NT5M: variants seen among roughly 807,000 people sequenced by gnomAD.
NT5M encodes the protein 5'(3')-deoxyribonucleotidase, mitochondrial.
Under a neutral mutation model 22.2 loss-of-function variants are expected in NT5M, and 22 were observed. The ratio of observed to expected loss-of-function variants is 0.99; its 90% CI spans 0.71 to 1.41. The LOEUF is 1.41. NT5M is among the 40% of genes most tolerant of loss of function. The probability of loss-of-function intolerance (pLI) is 0.00; values close to 1 mark genes in which losing one functional copy is unlikely to be tolerated. For missense variants in NT5M, 322 were observed against 314.8 expected (o/e 1.02, Z -0.17); for synonymous variants, 167 against 133.0 (o/e 1.26, Z -1.76).
chr17:17,321,459 G>A (rs1040036210), intron 2 of NT5M, among the ~76,000 whole-genome samples: 40 of 151,966 alleles, frequency 2.6e-4, no homozygotes, highest in African/African-American at 9.2e-4. Flanking sequence ...AAGTGAGCCC[G>A]GCGGCAGGTG....
rs566721922 is a variant in NT5M at position 17,321,644 on chromosome 17, T to C, written c.369-1541T>C. ...GAATTGAAGGTGAAACAAGTCCAAC[T>C]GATGATGTGAATTTTCTTCTCCGGC... On this transcript the variant is annotated intron_variant, in intron 2 of 4. Transcript: ENST00000389022. Among the ~76,000 whole-genome samples, 3 of 151,988 alleles carry C rather than the reference T, an allele frequency of 2.0e-5. No homozygotes were observed. The South Asian group carries it at 6.2e-4, about 31-fold the overall frequency.
At position 17,341,445 on chromosome 17, in the gene NT5M, T is replaced by C. The variant is rs377747504; in HGVS notation, c.430-3349T>C. Among the ~76,000 whole-genome samples the C allele has an allele frequency of 1.6e-4, 25 of 152,276 alleles. 1 individual carries two copies. In the South Asian group the frequency reaches 4.1e-3, roughly 25 times the overall value. On this transcript the variant is annotated intron_variant, in intron 3 of 4. Coordinates refer to ENST00000389022, the MANE Select transcript of NT5M (RefSeq NM_020201.4). ...CAGACTTAGGGCCTAATTTTGAGGG[T>C]AAGACAAAAAGGTAGAATCCTTTTT...
chr17:17,320,148 G>A (rs2049120646), intron 2 of NT5M, among the ~76,000 whole-genome samples: 2 of 152,142 alleles, frequency 1.3e-5, no homozygotes, highest in South Asian at 2.1e-4. Flanking sequence ...AGCCTCCCAC[G>A]TATGTCTTTA....
At chr17:17,334,704 G>A (rs1395312896) in intron 3 of NT5M, among the ~76,000 whole-genome samples, 2 of 151,688 alleles carry the variant, frequency 1.3e-5, no homozygotes, top group African/African-American at 2.4e-5. Flanking sequence ...TTGATCTCCT[G>A]ACCTTGTGAT....
chr17:17,306,560 T>A lies in NT5M; in HGVS notation c.285T>A (p.Ile95=). 6.2e-7 allele frequency: 1 copy of A among 1,613,926 alleles called. No homozygotes were observed. Among genetic ancestry groups the A allele is most frequent in the Non-Finnish European group, 8.5e-7 (1 of 1,179,908 alleles). Residue 95 remains isoleucine (I), a synonymous_variant, in exon 2 of 5, where the codon ATT becomes ATA. Transcript: ENST00000389022. ...RPGLSEKAIS[I]WESKNFFFEL... The stretch of plus-strand genomic sequence containing the variant: ...CTTCTCAGGAGAAGGCCATCAGCAT[T>A]TGGGAGTCAAAGAATTTCTTTTTTG...
At chr17:17,336,639 C>T (rs2049519573) in intron 3 of NT5M, among the ~76,000 whole-genome samples, 1 of 151,600 alleles carries the variant, frequency 6.6e-6, no homozygotes, top group Admixed American at 6.6e-5. Flanking sequence ...CAACCTCCGC[C>T]TCCCGGGTTC....
At chr17:17,332,666 TCTC>T (rs373617420) in intron 3 of NT5M, among the ~76,000 whole-genome samples, 28 of 152,276 alleles carry the variant, frequency 1.8e-4, no homozygotes, top group African/African-American at 6.7e-4. Flanking sequence ...GAGCAGCCCT[TCTC>T]CTTCCAAACA....
chr17:17,331,602 A>G (rs1174547161), intron 3 of NT5M, among the ~76,000 whole-genome samples: 1 of 148,748 alleles, frequency 6.7e-6, no homozygotes, highest in Admixed American at 6.7e-5. Flanking sequence ...TATTTATGTA[A>G]TTTTTTTTTT....
chr17:17,336,838 A>G (rs1337844862), intron 3 of NT5M, among the ~76,000 whole-genome samples: 4 of 152,000 alleles, frequency 2.6e-5, no homozygotes, highest in Non-Finnish European at 5.9e-5. Context: ...ATTCTTTTTT[A>G]TGGCTGAATA....
chr17:17,332,560 G>A (rs900490949), intron 3 of NT5M, among the ~76,000 whole-genome samples: 16 of 152,118 alleles, frequency 1.1e-4, no homozygotes, highest in African/African-American at 3.9e-4. Context: ...GGTTTAGAAC[G>A]ACAGCACCGC....
At chr17:17,319,841 ATTTC>A (rs540373388) in intron 2 of NT5M, among the ~76,000 whole-genome samples, 8 of 151,998 alleles carry the variant, frequency 5.3e-5, no homozygotes, top group East Asian at 1.9e-4. Context: ...TTTTTTAAAT[ATTTC>A]TTTCTTTCTT....
At chr17:17,343,636 G>A (rs1479355769) in intron 3 of NT5M, among the ~76,000 whole-genome samples, 1 of 152,064 alleles carries the variant, frequency 6.6e-6, no homozygotes, top group African/African-American at 2.4e-5. Context: ...GGACCTGCCC[G>A]GCTCTGCCCC....
chr17:17,334,479 T>G (rs888990641), intron 3 of NT5M, among the ~76,000 whole-genome samples: 2 of 71,366 alleles, frequency 2.8e-5, no homozygotes, highest in African/African-American at 1.2e-4. Context: ...GTTACTGTAG[T>G]TTTTTTTTTT....
At chr17:17,335,862 C>T (rs1037698710) in intron 3 of NT5M, among the ~76,000 whole-genome samples, 1 of 152,026 alleles carries the variant, frequency 6.6e-6, no homozygotes, top group African/African-American at 2.4e-5. Flanking sequence ...TAACTCCTGA[C>T]CTCAAGTAAT....
chr17:17,311,617 A>G (rs536225526), intron 2 of NT5M, among the ~76,000 whole-genome samples: 1 of 152,234 alleles, frequency 6.6e-6, no homozygotes, highest in Non-Finnish European at 1.5e-5. Flanking sequence ...AGCAACCTGA[A>G]TGACAAATGT....
rs180779848 is a variant in NT5M, at chr17:17,307,535, T to A, written c.368+892T>A. Among the ~76,000 whole-genome samples the A allele has an allele frequency of 8.5e-3, 622 of 73,518 alleles. 22 individuals carry two copies. Among genetic ancestry groups the A allele is most frequent in the African/African-American group, 0.024 (597 of 24,828 alleles). 48.2% of individuals were successfully genotyped at this position (73,518 alleles called of 152,430 possible). A position where few individuals can be genotyped will look rare whatever the true frequency, so the allele number is the denominator to read the frequency against. On this transcript the variant is annotated intron_variant, in intron 2 of 4. Coordinates refer to ENST00000389022, the MANE Select transcript of NT5M (RefSeq NM_020201.4). The stretch of plus-strand genomic sequence containing the variant: ...CAGGTGGATTGCCTGAGGTCAGGAG[T>A]TCGAGACCAGCCTGGCCAACATGAT...
intron 3 of NT5M, among the ~76,000 whole-genome samples, chr17:17,335,749 C>T (rs1182602901): frequency 1.3e-5 from 2 of 151,402 alleles, no homozygotes; most frequent in African/African-American, 2.4e-5. Flanking sequence ...TCTCTTGCCT[C>T]AGCCTCCCAA....
At chr17:17,341,988 G>A (rs982056921) in intron 3 of NT5M, among the ~76,000 whole-genome samples, 1 of 151,750 alleles carries the variant, frequency 6.6e-6, no homozygotes, top group Non-Finnish European at 1.5e-5. Context: ...CCGAGATCGT[G>A]CCATTGCACT....
chr17:17,306,524 G>C lies in NT5M; in HGVS notation c.268-19G>C, dbSNP rs1466164073. The C allele has an allele frequency of 6.3e-7, 1 of 1,590,944 alleles. No homozygotes were observed. ...GTGCTGAGGACCCTGGAAGTAACTT[G>C]CTTTTCTCAACTTCTCAGGAGAAGG... On this transcript the variant is annotated intron_variant, in intron 1 of 4. Transcript: ENST00000389022.
Sources: allele counts gnomAD v4.1 joint callset (sites outside exome capture counted in the v4.1 genomes callset), GRCh38; gene constraint gnomAD v4.1.1; transcripts MANE v1.5; gene names NCBI Gene and HGNC (gene_info 2026-07-23, HGNC 2026-07-21).